The following C13orf42 variants were observed in gnomAD, a reference collection of about 807,000 sequenced individuals.
C13orf42 encodes chromosome 13 open reading frame 42.
chr13:51,108,438 G>C (rs1953386355), intron 1 of C13orf42, among the ~76,000 whole-genome samples: 2 of 152,146 alleles, frequency 1.3e-5, no homozygotes, highest in Admixed American at 1.3e-4. Context: ...TCCCGGCAAT[G>C]CACAGAGACC....
chr13:51,166,185 T>C (rs1201686199), intron 1 of C13orf42, among the ~76,000 whole-genome samples: 2 of 152,052 alleles, frequency 1.3e-5, no homozygotes, highest in African/African-American at 4.8e-5. Flanking sequence ...AACTGCAACA[T>C]GGAGAAGTCA....
chr13:51,139,874 T>C (rs1178255461), intron 1 of C13orf42, among the ~76,000 whole-genome samples: 1 of 152,236 alleles, frequency 6.6e-6, no homozygotes, highest in African/African-American at 2.4e-5. Flanking sequence ...TGTTATTCCT[T>C]TACTTTCCTA....
At chr13:51,131,475 A>C (rs1953616027) in intron 1 of C13orf42, among the ~76,000 whole-genome samples, 1 of 152,168 alleles carries the variant, frequency 6.6e-6, no homozygotes. Context: ...GTGGTAAGTA[A>C]AGAATGTCAC....
chr13:51,160,391 TC>T (rs1389076090), intron 1 of C13orf42, among the ~76,000 whole-genome samples: 1 of 152,192 alleles, frequency 6.6e-6, no homozygotes, highest in Non-Finnish European at 1.5e-5. Flanking sequence ...AAGCCTGTAA[TC>T]CCAGCTACTC....
intron 1 of C13orf42, among the ~76,000 whole-genome samples, chr13:51,160,682 C>A (rs1265374873): frequency 1.3e-5 from 2 of 151,866 alleles, no homozygotes; most frequent in Admixed American, 1.3e-4. Context: ...AGAAGAGCAT[C>A]CCTCAAAGTG....
rs191537303 is a variant in C13orf42 at position 51,117,933 on chromosome 13, G to A, written n.137-4711C>T. 9.2e-5 allele frequency among the ~76,000 whole-genome samples: 14 copies of A among 152,324 alleles called. No individual in the cohort carries two copies. In the East Asian group the frequency reaches 2.5e-3, roughly 27 times the overall value. On this transcript the variant is annotated intron_variant and non_coding_transcript_variant, in intron 1 of 4. Coordinates refer to the C13orf42 transcript ENST00000433280. ...GTTGCTCTTGCCTGCATGGTCAAAA[G>A]TGGCTCAGAAGAAAGTATCCTTGTT...
At chr13:51,145,802 T>G (rs1252698655) in intron 1 of C13orf42, among the ~76,000 whole-genome samples, 1 of 152,202 alleles carries the variant, frequency 6.6e-6, no homozygotes, top group Non-Finnish European at 1.5e-5. Flanking sequence ...TGCTTCAAGT[T>G]ATCCCACCTT....
At chr13:51,133,608 C>T (rs534917444) in intron 1 of C13orf42, among the ~76,000 whole-genome samples, 28 of 151,940 alleles carry the variant, frequency 1.8e-4, no homozygotes, top group Non-Finnish European at 3.4e-4. Flanking sequence ...CTCTGGGAGC[C>T]CTGGGGCTGG....
intron 1 of C13orf42, among the ~76,000 whole-genome samples, chr13:51,130,862 A>ATAT (rs1555267619): frequency 1.3e-4 from 19 of 148,240 alleles, no homozygotes; most frequent in African/African-American, 2.5e-4. Flanking sequence ...GTAAAAAAAA[A>ATAT]ATATATATAT....
upstream of C13orf42, among the ~76,000 whole-genome samples, chr13:51,111,952 C>T (rs1334488942): frequency 2.0e-5 from 3 of 152,346 alleles, no homozygotes; most frequent in South Asian, 2.1e-4. Flanking sequence ...TTCAGATATC[C>T]GGACCACGAC....
chr13:51,122,495 C>T (rs1021733180), intron 1 of C13orf42, among the ~76,000 whole-genome samples: 1 of 148,420 alleles, frequency 6.7e-6, no homozygotes, highest in Non-Finnish European at 1.5e-5. Flanking sequence ...GATTGCGCCA[C>T]TGCACTCCAG....
upstream of C13orf42, among the ~76,000 whole-genome samples, chr13:51,114,649 GATAGACAGAC>G (rs1566130360): frequency 2.4e-4 from 18 of 74,390 alleles, no homozygotes; most frequent in African/African-American, 1.1e-3. Flanking sequence ...GATAGATAGA[GATAGACAGAC>G]AGACAGACAG....
intron 1 of C13orf42, among the ~76,000 whole-genome samples, chr13:51,152,358 T>C (rs1053281662): frequency 2.0e-5 from 3 of 152,214 alleles, no homozygotes; most frequent in Non-Finnish European, 2.9e-5. Flanking sequence ...CATTTATTTA[T>C]TTTTTAAGAG....
At position 51,110,916 on chromosome 13, in the gene C13orf42, T is replaced by A. The variant is rs1953422253; in HGVS notation, c.294A>T (p.Lys98Asn). Residue 98 changes from lysine (K) to asparagine (N), a missense_variant, in exon 1 of 4, where the codon AAA becomes AAT. By Grantham distance (94) the Lys-to-Asn change is moderately conservative. Transcript: ENST00000563710. ...YLQELLALRK[K>N]YLSSFSDLKP... is the part of the protein sequence containing the mutation. The stretch of plus-strand genomic sequence containing the variant: ...TCAGATCACTGAAGCTGCTGAGATA[T>A]TTTTTGCGCAAGGCCAGCAGCTCCT... The A allele has an allele frequency of 2.5e-6, 1 of 398,500 alleles. No homozygotes were observed. The highest frequency in any genetic ancestry group is 4.4e-5 in the Admixed American group (1 of 22,714). The allele number at this position is 398,500 out of a possible 1,614,324, so 24.7% of individuals were successfully genotyped here.
chr13:51,089,589 A>C lies in C13orf42; in HGVS notation c.415-1514T>G, dbSNP rs542544729. Among the ~76,000 whole-genome samples the C allele has an allele frequency of 2.0e-5, 3 of 151,974 alleles. No homozygotes were observed. The East Asian group carries it at 5.9e-4, about 30-fold the overall frequency. ...TACTCTCCCTTCACCTTCCACCATG[A>C]TTGTAAGTTTCCTGAGGCCTCCCCA... On this transcript the variant is annotated intron_variant, in intron 1 of 3. Coordinates refer to ENST00000563710, the MANE Select transcript of C13orf42 (RefSeq NM_001351589.3).
intron 3 of C13orf42, among the ~76,000 whole-genome samples, chr13:51,084,646 G>A (rs964910448): frequency 6.6e-6 from 1 of 152,256 alleles, no homozygotes; most frequent in African/African-American, 2.4e-5. Context: ...TTTTGTAGAA[G>A]CAAAGGAAGA....
At chr13:51,169,198 A>G (rs755686188) in intron 1 of C13orf42, among the ~76,000 whole-genome samples, 4 of 152,212 alleles carry the variant, frequency 2.6e-5, no homozygotes, top group Non-Finnish European at 5.9e-5. Flanking sequence ...AAGATGAGGG[A>G]AAGTTTGGAA....
intron 1 of C13orf42, among the ~76,000 whole-genome samples, chr13:51,153,630 CTTTTTTTTTT>C (rs1206289963): frequency 6.2e-5 from 5 of 81,246 alleles, no homozygotes; most frequent in African/African-American, 1.9e-4. Context: ...TGTTTTTTTT[CTTTTTTTTTT>C]TTTTTTTTTT....
At chr13:51,122,336 C>A (rs983326022) in intron 1 of C13orf42, among the ~76,000 whole-genome samples, 1 of 151,766 alleles carries the variant, frequency 6.6e-6, no homozygotes, top group Non-Finnish European at 1.5e-5. Context: ...GAGTTTGAGA[C>A]CACCCTGGCC....
Sources: gnomAD v4.1 joint callset for allele counts (sites outside exome capture counted in the v4.1 genomes callset) on GRCh38, gnomAD v4.1.1 for gene constraint, MANE v1.5 for transcripts, NCBI Gene and HGNC (gene_info 2026-07-23, HGNC 2026-07-21) for gene names.